Variants in DPP6 observed in about 807,000 individuals in gnomAD.
DPP6 encodes the protein dipeptidyl peptidase like 6.
DPP6 carries 69 observed loss-of-function variants against 122.6 expected under a neutral mutation model. The observed-to-expected ratio is 0.56, with a 90% CI of 0.46 to 0.69. DPP6 has a LOEUF of 0.69. DPP6 is among the 30% of genes least tolerant of loss of function. The pLI is 0.00. For synonymous variants in DPP6, 418 were observed against 433.1 expected (o/e 0.97, Z 0.43); for missense variants, 928 against 1,116.9 (o/e 0.83, Z 2.41).
At position 154,663,253 on chromosome 7, in the gene DPP6, G is replaced by A. The variant is rs1282330995; in HGVS notation, c.681-6107G>A. On this transcript the variant is annotated intron_variant, in intron 6 of 25. Transcript: ENST00000377770. The stretch of plus-strand genomic sequence containing the variant: ...TATAGTCATGGTGAATCACCATGGC[G>A]TATTGGCCGTAGTGTTCATATAGTC... 6.0e-4 allele frequency among the ~76,000 whole-genome samples: 37 copies of A among 61,494 alleles called. 13 individuals carry two copies. The highest frequency in any genetic ancestry group is 4.8e-3 in the Admixed American group (21 of 4,388). 40.3% of individuals were successfully genotyped at this position (61,494 alleles called of 152,430 possible). A position where few individuals can be genotyped will look rare whatever the true frequency, so the allele number is the denominator to read the frequency against.
intron 7 of DPP6, among the ~76,000 whole-genome samples, chr7:154,706,098 G>A (rs774717254): frequency 6.6e-5 from 10 of 152,134 alleles, no homozygotes; most frequent in East Asian, 5.8e-4. Flanking sequence ...GACAACCAGC[G>A]CCCTTCAGTG....
rs554083680 is a variant in DPP6, at chr7:154,011,844, A to T, written c.51+124110A>T. Among the ~76,000 whole-genome samples the T allele has an allele frequency of 2.6e-5, 4 of 152,348 alleles. No homozygotes were observed. The East Asian group carries it at 7.7e-4, about 29-fold the overall frequency. On this transcript the variant is annotated intron_variant, in intron 1 of 25. Coordinates refer to the DPP6 transcript ENST00000404039. ...GAATCCATTCTTCATTTCACAGACG[A>T]GAAAATGAGTTTCAGAGATGCAAAC... is the stretch of plus-strand genomic sequence containing the variant.
intron 1 of DPP6, among the ~76,000 whole-genome samples, chr7:153,965,164 C>T (rs1331990381): frequency 6.6e-6 from 1 of 151,822 alleles, no homozygotes; most frequent in Non-Finnish European, 1.5e-5. Context: ...AACCGTGGCT[C>T]TTATCCAGTG....
intron 5 of DPP6, among the ~76,000 whole-genome samples, chr7:154,608,632 G>A (rs1044749407): frequency 7.3e-5 from 11 of 151,694 alleles, no homozygotes; most frequent in Non-Finnish European, 1.0e-4. Context: ...CACTGCGCCC[G>A]GCCGATCATA....
intron 3 of DPP6, among the ~76,000 whole-genome samples, chr7:154,479,831 C>T (rs1172079382): frequency 6.6e-6 from 1 of 151,984 alleles, no homozygotes; most frequent in Non-Finnish European, 1.5e-5. Flanking sequence ...GCTCCCCTGG[C>T]CCATTCCCTC....
chr7:154,424,126 T>C (rs1439665033), intron 1 of DPP6, among the ~76,000 whole-genome samples: 1 of 152,234 alleles, frequency 6.6e-6, no homozygotes, highest in African/African-American at 2.4e-5. Context: ...AAGTGTACCA[T>C]AGGCCTAGAA....
chr7:153,963,338 TCG>T (rs1395608013), intron 1 of DPP6, among the ~76,000 whole-genome samples: 1 of 150,094 alleles, frequency 6.7e-6, no homozygotes, highest in African/African-American at 2.4e-5. Flanking sequence ...GATTTCTCCC[TCG>T]TCTTGCTCCT....
the DPP6 span, among the ~76,000 whole-genome samples, chr7:153,852,361 G>A: frequency 2.0e-5 from 3 of 152,206 alleles, no homozygotes; most frequent in South Asian, 4.2e-4. Context: ...AGGCCTCAGG[G>A]AACTTAGTCA....
At position 154,878,183 on chromosome 7, in the gene DPP6, C is replaced by T. The variant is rs147962736; in HGVS notation, c.2078+2083C>T. On this transcript the variant is annotated intron_variant, in intron 20 of 25. Transcript: ENST00000377770. ...ATCAAGGGCAGGCCCAGGGGAAAGTCGCAGCACCCTCAGGCTCCCCTTCGA... is the reference window on the plus strand; with the variant it reads ...ATCAAGGGCAGGCCCAGGGGAAAGTTGCAGCACCCTCAGGCTCCCCTTCGA... Among the ~76,000 whole-genome samples, 203 of 152,320 alleles carry T rather than the reference C, an allele frequency of 1.3e-3. 2 individuals carry two copies. Among genetic ancestry groups the T allele is most frequent in the African/African-American group, 4.5e-3 (189 of 41,570 alleles).
In DPP6 at chr7:154,377,246, TC is replaced by T. The variant is rs1021971514; in HGVS notation, c.244-68966del. Among the ~76,000 whole-genome samples, 41 of 152,104 alleles carry T rather than the reference TC, an allele frequency of 2.7e-4. 2 individuals carry two copies. Among genetic ancestry groups the T allele is most frequent in the Non-Finnish European group, 2.9e-5 (2 of 68,026 alleles). ...TCATGAACAGTGCCGGAGGAAATGT[TC>T]CAAGAAGAGGGAAGAGCAAATTCTA... On this transcript the variant is annotated intron_variant, in intron 1 of 25. Coordinates refer to ENST00000377770, the MANE Select transcript of DPP6 (RefSeq NM_130797.4).
intron 1 of DPP6, among the ~76,000 whole-genome samples, chr7:154,060,730 C>T (rs1275540823): frequency 4.1e-5 from 6 of 146,322 alleles, no homozygotes; most frequent in Admixed American, 6.7e-5. Context: ...GGGAGGCACC[C>T]CCCGCGAGGC....
At chr7:153,980,221 G>T (rs996098287) in intron 1 of DPP6, among the ~76,000 whole-genome samples, 2 of 152,056 alleles carry the variant, frequency 1.3e-5, no homozygotes, top group Non-Finnish European at 2.9e-5. Context: ...ATCAATTTCC[G>T]AACTTGTTAT....
chr7:153,922,583 A>G (rs1012298321), intron 1 of DPP6, among the ~76,000 whole-genome samples: 6 of 152,228 alleles, frequency 3.9e-5, no homozygotes, highest in African/African-American at 1.2e-4. Flanking sequence ...AACAAATTCT[A>G]TACATATTTT....
chr7:153,840,633 T>C, the DPP6 span, among the ~76,000 whole-genome samples: 1 of 152,222 alleles, frequency 6.6e-6, no homozygotes, highest in Non-Finnish European at 1.5e-5. Flanking sequence ...TGTAAGACTT[T>C]GAGATGTAAA....
At chr7:154,256,024 T>C (rs574489159) in intron 1 of DPP6, among the ~76,000 whole-genome samples, 2 of 152,308 alleles carry the variant, frequency 1.3e-5, no homozygotes, top group African/African-American at 4.8e-5. Context: ...CACAAAATGC[T>C]TTATAACCTA....
At chr7:154,003,200 T>C (rs1021745821) in intron 1 of DPP6, among the ~76,000 whole-genome samples, 3 of 152,188 alleles carry the variant, frequency 2.0e-5, no homozygotes, top group Admixed American at 6.5e-5. Flanking sequence ...TTGGTTCTTA[T>C]CAACGTCGGT....
chr7:154,125,339 A>C (rs996902102), intron 1 of DPP6, among the ~76,000 whole-genome samples: 2 of 152,218 alleles, frequency 1.3e-5, no homozygotes, highest in African/African-American at 4.8e-5. Flanking sequence ...TACCGCCTAC[A>C]TTTCTGAAAA....
In DPP6 at chr7:154,149,017, C is replaced by T. The variant is rs144318640; in HGVS notation, c.243+95954C>T. ...TAGCTAGAAAGCAGGAGGCAGTGCA[C>T]GATGAGTATGGTGCAGTATCTCCAG... is the stretch of plus-strand genomic sequence containing the variant. On this transcript the variant is annotated intron_variant, in intron 1 of 25. Coordinates refer to ENST00000377770, the MANE Select transcript of DPP6 (RefSeq NM_130797.4). Among the ~76,000 whole-genome samples, 280 of 152,284 alleles carry T rather than the reference C, an allele frequency of 1.8e-3. 1 individual carries two copies. Among genetic ancestry groups the T allele is most frequent in the African/African-American group, 6.2e-3 (256 of 41,588 alleles).
chr7:154,585,840 C>T (rs79484777), intron 5 of DPP6, among the ~76,000 whole-genome samples: 1,610 of 152,148 alleles, frequency 0.011, 13 homozygotes, highest in Non-Finnish European at 0.016. Flanking sequence ...TACTCAGGGC[C>T]GACTGTAATT....
Sources: allele counts gnomAD v4.1 joint callset (sites outside exome capture counted in the v4.1 genomes callset), GRCh38; gene constraint gnomAD v4.1.1; transcripts MANE v1.5; gene names NCBI Gene and HGNC (gene_info 2026-07-23, HGNC 2026-07-21).